The following TGFBR3 variants were observed in gnomAD, a reference collection of about 807,000 sequenced individuals.
TGFBR3 encodes the protein transforming growth factor beta receptor type 3.
A neutral mutation model predicts 87.9 loss-of-function variants in TGFBR3; 46 were observed. The observed-to-expected ratio is 0.52, with a 90% confidence interval of 0.41 to 0.67. TGFBR3 has a LOEUF of 0.67. Ranked by LOEUF, TGFBR3 falls within the 30% of genes least tolerant of loss-of-function variation. The pLI is 0.00. For synonymous variants in TGFBR3, 381 were observed against 391.6 expected (o/e 0.97, Z 0.32); for missense variants, 866 against 1,041.9 (o/e 0.83, Z 2.32).
chr1:91,836,225 C>T (rs1175144709), intron 2 of TGFBR3, among the ~76,000 whole-genome samples: 4 of 151,936 alleles, frequency 2.6e-5, no homozygotes, highest in African/African-American at 7.3e-5. Context: ...CCAGCCTGGG[C>T]AACAAGAGCA....
chr1:91,721,561 G>A (rs990651597), intron 8 of TGFBR3, among the ~76,000 whole-genome samples: 5 of 152,116 alleles, frequency 3.3e-5, no homozygotes, highest in Admixed American at 6.5e-5. Context: ...CATCCTCTGG[G>A]TATGAACACT....
At chr1:91,838,044 C>T (rs563609699) in intron 2 of TGFBR3, among the ~76,000 whole-genome samples, 45 of 152,230 alleles carry the variant, frequency 3.0e-4, no homozygotes, top group African/African-American at 1.0e-3. Context: ...CAAGGCAATC[C>T]CCCTCATCTG....
chr1:91,885,364 G>T (rs1034931347), intron 1 of TGFBR3, among the ~76,000 whole-genome samples: 3 of 141,276 alleles, frequency 2.1e-5, no homozygotes, highest in Non-Finnish European at 3.1e-5. Flanking sequence ...AACCGGGGCG[G>T]GGGGGGGCCG....
At chr1:91,815,539 G>C (rs1250265722) in intron 2 of TGFBR3, among the ~76,000 whole-genome samples, 1 of 151,994 alleles carries the variant, frequency 6.6e-6, no homozygotes, top group Non-Finnish European at 1.5e-5. Context: ...AAGCCCACAG[G>C]ATACAATGGG....
At chr1:91,783,022 A>C (rs7534115) in intron 3 of TGFBR3, among the ~76,000 whole-genome samples, 21,548 of 152,262 alleles carry the variant, frequency 0.14, 1,973 homozygotes, top group East Asian at 0.25. Context: ...ATGTGTGTAC[A>C]CATGTATCAA....
intron 6 of TGFBR3, among the ~76,000 whole-genome samples, chr1:91,729,433 T>G (rs1672683630): frequency 6.6e-6 from 1 of 152,216 alleles, no homozygotes; most frequent in South Asian, 2.1e-4. Context: ...TTTTGTAATT[T>G]TCCTATCAGG....
At chr1:91,704,327 CAAA>C (rs68141642) in intron 14 of TGFBR3, among the ~76,000 whole-genome samples, 80 of 131,480 alleles carry the variant, frequency 6.1e-4, no homozygotes, top group African/African-American at 8.9e-4. Flanking sequence ...GACTTTGTCT[CAAA>C]AAAAAAAAAA....
intron 14 of TGFBR3, among the ~76,000 whole-genome samples, chr1:91,701,035 C>T (rs895874581): frequency 3.9e-5 from 6 of 152,106 alleles, no homozygotes; most frequent in Admixed American, 1.3e-4. Flanking sequence ...AATCCCCAAG[C>T]GGTTGAAAAA....
intron 1 of TGFBR3, among the ~76,000 whole-genome samples, chr1:91,872,259 T>A (rs1361803040): frequency 6.6e-6 from 1 of 152,112 alleles, no homozygotes; most frequent in South Asian, 2.1e-4. Context: ...TCCCTACCCA[T>A]AAGAGTCTGA....
intron 4 of TGFBR3, among the ~76,000 whole-genome samples, chr1:91,752,892 G>A (rs997637717): frequency 1.1e-4 from 16 of 151,626 alleles, no homozygotes; most frequent in Admixed American, 3.3e-4. Flanking sequence ...CTGGGTGTGG[G>A]GGTACATGCC....
At chr1:91,724,739 C>T (rs1262631354) in intron 7 of TGFBR3, among the ~76,000 whole-genome samples, 5 of 152,146 alleles carry the variant, frequency 3.3e-5, no homozygotes, top group East Asian at 1.9e-4. Context: ...AGTGGAGCTA[C>T]GCCAAATGCA....
chr1:91,726,013 T>C lies in TGFBR3; in HGVS notation c.885+1646A>G, dbSNP rs1364566287. ...AATAAAAAAGAACATCATGAAACAT[T>C]ACCTAATTGTTTAGTAATGTTGTCA... On this transcript the variant is annotated intron_variant, in intron 7 of 16. Transcript: ENST00000212355. 2.0e-5 allele frequency among the ~76,000 whole-genome samples: 3 copies of C among 152,188 alleles called. No homozygotes were observed. In the East Asian group the frequency reaches 5.8e-4, roughly 29 times the overall value.
intron 12 of TGFBR3, among the ~76,000 whole-genome samples, chr1:91,714,176 C>A (rs1014783082): frequency 4.6e-5 from 7 of 151,980 alleles, no homozygotes; most frequent in Non-Finnish European, 1.0e-4. Context: ...CACCGAGACT[C>A]AGTTTACTCA....
chr1:91,737,338 A>G (rs1673000603), intron 4 of TGFBR3, among the ~76,000 whole-genome samples: 1 of 152,150 alleles, frequency 6.6e-6, no homozygotes, highest in African/African-American at 2.4e-5. Context: ...GAGTTTTAGA[A>G]GGTGTTGTTT....
chr1:91,691,976 T>C (rs533886595), intron 16 of TGFBR3, among the ~76,000 whole-genome samples: 1 of 151,568 alleles, frequency 6.6e-6, no homozygotes, highest in Non-Finnish European at 1.5e-5. Context: ...CCAGCCCGGG[T>C]GACAGAGCGA....
chr1:91,887,509 G>T (rs546407374), upstream of TGFBR3, among the ~76,000 whole-genome samples: 5 of 152,066 alleles, frequency 3.3e-5, no homozygotes, highest in East Asian at 7.7e-4. Context: ...CAAGAGATTC[G>T]CCTGCCTTGG....
intron 2 of TGFBR3, among the ~76,000 whole-genome samples, chr1:91,805,476 A>G (rs1229544537): frequency 6.6e-6 from 1 of 152,204 alleles, no homozygotes; most frequent in African/African-American, 2.4e-5. Context: ...CTTCACCCAC[A>G]AGATGCTACT....
intron 10 of TGFBR3, among the ~76,000 whole-genome samples, chr1:91,717,928 T>C (rs912561993): frequency 2.0e-5 from 3 of 152,068 alleles, no homozygotes; most frequent in Admixed American, 6.6e-5. Context: ...CCACTTTTGG[T>C]GTTAACTTGG....
At chr1:91,714,676 C>G (rs1181610155) in intron 12 of TGFBR3, among the ~76,000 whole-genome samples, 1 of 152,134 alleles carries the variant, frequency 6.6e-6, no homozygotes, top group Admixed American at 6.6e-5. Context: ...ATCAGCAAAG[C>G]CAGGCATAGA....
Sources: gnomAD v4.1 joint callset for allele counts (sites outside exome capture counted in the v4.1 genomes callset) on GRCh38, gnomAD v4.1.1 for gene constraint, MANE v1.5 for transcripts, NCBI Gene and HGNC (gene_info 2026-07-23, HGNC 2026-07-21) for gene names.